The following SMG7 variants were observed in gnomAD, a reference collection of about 807,000 sequenced individuals.
SMG7 encodes the protein SMG7 nonsense mediated mRNA decay factor.
A neutral mutation model predicts 148.2 loss-of-function variants in SMG7; 34 were observed. The observed-to-expected ratio is 0.23, with a 90% CI of 0.17 to 0.31. SMG7 has a LOEUF of 0.31. Among genes scored for constraint, SMG7 ranks in the 10% least tolerant of loss-of-function variants. The pLI, the probability that SMG7 is intolerant of heterozygous loss-of-function variation, is 1.00. For missense variants in SMG7, 1,114 were observed against 1,408.4 expected, an observed-to-expected ratio of 0.79 and a Z score of 3.35; for synonymous variants, 492 against 515.1, an observed-to-expected ratio of 0.96 and a Z score of 0.61.
At chr1:183,518,437 G>A (rs1664064362) in intron 4 of SMG7, among the ~76,000 whole-genome samples, 1 of 152,012 alleles carries the variant, frequency 6.6e-6, no homozygotes, top group Admixed American at 6.5e-5. Flanking sequence ...GTGAATTTAT[G>A]GATATAGCTA....
At chr1:183,537,759 C>G (rs547541288) in intron 11 of SMG7, among the ~76,000 whole-genome samples, 2 of 152,238 alleles carry the variant, frequency 1.3e-5, no homozygotes, top group South Asian at 4.1e-4. Flanking sequence ...GAAAACATGA[C>G]TTTTACTGGC....
rs760785451 is a variant in SMG7, at chr1:183,502,388, T to C, written c.30-10449T>C. The C allele has an allele frequency of 6.5e-6, 10 of 1,532,546 alleles. No homozygotes were observed. In the South Asian group the frequency reaches 1.1e-4, roughly 16 times the overall value. 94.9% of individuals were successfully genotyped at this position (1,532,546 alleles called of 1,614,324 possible). On this transcript the variant is annotated intron_variant, in intron 1 of 22. Coordinates refer to ENST00000688051, the MANE Select transcript of SMG7 (RefSeq NM_001375584.1). Reference sequence around the variant, plus strand: ...GAGGAGCATCTGAAATCAAGTAATATTAGGTAGGATGAAAATTACAAGGGA... The same window carrying C: ...GAGGAGCATCTGAAATCAAGTAATACTAGGTAGGATGAAAATTACAAGGGA...
chr1:183,541,800 A>T lies in SMG7; in HGVS notation c.1416-276A>T, dbSNP rs1212011380. On this transcript the variant is annotated intron_variant, in intron 13 of 22. Coordinates refer to ENST00000688051, the MANE Select transcript of SMG7 (RefSeq NM_001375584.1). ...CCTTATAGGACATATCAAGGGCCCT[A>T]GACCAGTGTCTTGCACTTGAAGCAT... Among the ~76,000 whole-genome samples, 3 of 152,216 alleles carry T rather than the reference A, an allele frequency of 2.0e-5. No homozygotes were observed. The East Asian group carries it at 5.8e-4, about 29-fold the overall frequency.
At position 183,532,507 on chromosome 1, in the gene SMG7, G is replaced by T. The variant is rs868775679; in HGVS notation, c.844-657G>T. Among the ~76,000 whole-genome samples, 52 of 152,280 alleles carry T rather than the reference G, an allele frequency of 3.4e-4. No individual in the cohort carries two copies. In the Middle Eastern group the frequency reaches 0.014, roughly 40 times the overall value. ...TCACTGTGAACACAGTTATTAGAAG[G>T]TAAATGAAATTTGATGATCACGCAT... is the stretch of plus-strand genomic sequence containing the variant. On this transcript the variant is annotated intron_variant, in intron 8 of 22. Transcript: ENST00000688051.
At chr1:183,485,053 A>G (rs10911342) in intron 1 of SMG7, among the ~76,000 whole-genome samples, 24,226 of 152,068 alleles carry the variant, frequency 0.16, 2,214 homozygotes, top group African/African-American at 0.26. Flanking sequence ...GTTGTGCCAG[A>G]CAGTATTCCA....
In SMG7 at chr1:183,526,278, A is replaced by G. The variant is rs376152999; in HGVS notation, c.313-318A>G. On this transcript the variant is annotated intron_variant, in intron 4 of 22. Coordinates refer to ENST00000688051, the MANE Select transcript of SMG7 (RefSeq NM_001375584.1). The stretch of plus-strand genomic sequence containing the variant: ...ATTCTTGTGCCTCAGCCTCCCTTGT[A>G]GCTGAGACTACAGGTGCTCACCACC... 4.4e-4 allele frequency among the ~76,000 whole-genome samples: 67 copies of G among 151,328 alleles called. 1 individual carries two copies. In the East Asian group the frequency reaches 0.011, roughly 24 times the overall value.
At chr1:183,477,818 ATATG>A (rs1350264232) in intron 1 of SMG7, among the ~76,000 whole-genome samples, 3 of 152,180 alleles carry the variant, frequency 2.0e-5, no homozygotes, top group Admixed American at 2.0e-4. Context: ...GTCTATGCAC[ATATG>A]TGTGTATATA....
intron 11 of SMG7, among the ~76,000 whole-genome samples, chr1:183,537,636 T>C (rs1668029829): frequency 6.6e-6 from 1 of 152,260 alleles, no homozygotes; most frequent in South Asian, 2.1e-4. Context: ...TCGGGCCTTT[T>C]TCTTACGTGT....
At chr1:183,510,602 G>A (rs1275147428) in intron 1 of SMG7, among the ~76,000 whole-genome samples, 1 of 152,044 alleles carries the variant, frequency 6.6e-6, no homozygotes, top group Non-Finnish European at 1.5e-5. Flanking sequence ...TTGTTTGAAA[G>A]CTTAATTTTT....
chr1:183,553,427 C>A lies in SMG7; in HGVS notation c.*1496C>A. 1 of 519,880 alleles carries A rather than the reference C, an allele frequency of 1.9e-6. No homozygotes were observed. Among genetic ancestry groups the A allele is most frequent in the Non-Finnish European group, 3.4e-6 (1 of 289,952 alleles). 32.2% of individuals were successfully genotyped at this position (519,880 alleles called of 1,614,324 possible). ...TTGTGTACACACACGTGCCCATCTG[C>A]TGTCCCAGAGGGGAGGGGTTGTGTG... On this transcript the variant is annotated 3_prime_UTR_variant, in exon 23 of 23. Coordinates refer to ENST00000688051, the MANE Select transcript of SMG7 (RefSeq NM_001375584.1).
rs536021423 is a variant in SMG7 at position 183,549,053 on chromosome 1, G to A, written c.2893-155G>A. On this transcript the variant is annotated intron_variant, in intron 18 of 22. Transcript: ENST00000688051. ...CAACTGGCACTTAGGCGGTGTCTTG[G>A]TGTTAACAGATTTGAATTCACATCT... 1.8e-4 allele frequency: 111 copies of A among 617,270 alleles called. 5 individuals carry two copies. The South Asian group carries it at 2.0e-3, about 11-fold the overall frequency. The allele number at this position is 617,270 out of a possible 1,614,324, so 38.2% of individuals were successfully genotyped here.
chr1:183,537,157 G>T lies in SMG7; in HGVS notation c.1176G>T (p.Trp392Cys). 6.2e-7 allele frequency: 1 copy of T among 1,612,492 alleles called. No homozygotes were observed. Reference protein sequence around the residue: ...VVDERQYIWPWLISLLNSFHP... With the variant: ...VVDERQYIWPCLISLLNSFHP... ...CTTTAATTTACAGCATTTGGCCCTG[G>T]TTGATTTCTCTTCTGAATAGTTTCC... The change falls in exon 11 of 23, where the codon TGG becomes TGT. Residue 392 changes from tryptophan to cysteine, a missense_variant. Transcript: ENST00000688051.
intron 1 of SMG7, among the ~76,000 whole-genome samples, chr1:183,474,567 TAA>T (rs1217657561): frequency 1.3e-5 from 2 of 152,166 alleles, no homozygotes; most frequent in Admixed American, 6.5e-5. Context: ...TTCGTCTCAA[TAA>T]ATAAGTAAAT....
At chr1:183,500,115 T>A (rs984351036) in intron 1 of SMG7, among the ~76,000 whole-genome samples, 1 of 152,208 alleles carries the variant, frequency 6.6e-6, no homozygotes, top group Non-Finnish European at 1.5e-5. Context: ...AGCTTTCCTG[T>A]TGTTTATGGC....
chr1:183,513,309 G>T (rs1396877755), intron 2 of SMG7: 1 of 151,854 alleles, frequency 6.6e-6, no homozygotes, highest in Non-Finnish European at 1.5e-5. Flanking sequence ...AATTCTATTG[G>T]AAGTCCTTGA....
chr1:183,520,963 C>G (rs1246718423), intron 4 of SMG7, among the ~76,000 whole-genome samples: 1 of 152,036 alleles, frequency 6.6e-6, no homozygotes, highest in East Asian at 1.9e-4. Context: ...CGACTGCATT[C>G]CACAGGCAGT....
intron 4 of SMG7, among the ~76,000 whole-genome samples, chr1:183,518,135 A>G (rs1186390630): frequency 1.3e-5 from 2 of 151,980 alleles, no homozygotes; most frequent in African/African-American, 2.4e-5. Context: ...TTTTGTAGAG[A>G]TGGAGTCTCG....
intron 1 of SMG7, among the ~76,000 whole-genome samples, chr1:183,506,875 C>CTTTTTTT (rs71130622): frequency 3.6e-5 from 4 of 111,812 alleles, no homozygotes; most frequent in Non-Finnish European, 3.6e-5. Flanking sequence ...ACTATATATT[C>CTTTTTTT]TTTTTTTTTT....
At chr1:183,509,963 T>A (rs1661767532) in intron 1 of SMG7, among the ~76,000 whole-genome samples, 1 of 152,184 alleles carries the variant, frequency 6.6e-6, no homozygotes, top group African/African-American at 2.4e-5. Context: ...TGTTTGTAAA[T>A]TACATTACTA....
Sources: allele counts gnomAD v4.1 joint callset (sites outside exome capture counted in the v4.1 genomes callset), GRCh38; gene constraint gnomAD v4.1.1; transcripts MANE v1.5; gene names NCBI Gene and HGNC (gene_info 2026-07-23, HGNC 2026-07-21).